The following AUTS2 variants were observed in gnomAD, a reference collection of about 807,000 sequenced individuals.
AUTS2 encodes the protein activator of transcription and developmental regulator AUTS2.
Under a neutral mutation model 112.4 loss-of-function variants are expected in AUTS2, and 17 were observed. The observed-to-expected ratio is 0.15, with a 90% confidence interval of 0.10 to 0.23. The LOEUF is 0.23. Among genes scored for constraint, AUTS2 ranks in the 10% least tolerant of loss-of-function variants. The pLI is 1.00. For synonymous variants in AUTS2, 751 were observed against 702.7 expected, an observed-to-expected ratio of 1.07 and a Z score of -1.09; for missense variants, 1,510 against 1,701.6, an observed-to-expected ratio of 0.89 and a Z score of 1.98.
At chr7:69,789,534 G>A (rs781633269) in intron 1 of AUTS2, among the ~76,000 whole-genome samples, 1 of 152,124 alleles carries the variant, frequency 6.6e-6, no homozygotes, top group African/African-American at 2.4e-5. Context: ...TTTCTGCTGG[G>A]ACCCAGGGCT....
At chr7:70,602,820 T>C (rs1445390157) in intron 5 of AUTS2, among the ~76,000 whole-genome samples, 3 of 152,224 alleles carry the variant, frequency 2.0e-5, no homozygotes, top group Admixed American at 6.5e-5. Context: ...ATAATGATTT[T>C]CTTTCGTCTG....
chr7:70,397,498 T>G (rs112763204), intron 4 of AUTS2, among the ~76,000 whole-genome samples: 188 of 152,328 alleles, frequency 1.2e-3, no homozygotes, highest in African/African-American at 4.2e-3. Context: ...GGGTAAACTT[T>G]CTATATAAAT....
intron 5 of AUTS2, among the ~76,000 whole-genome samples, chr7:70,561,330 C>A (rs190609856): frequency 6.6e-6 from 1 of 152,280 alleles, no homozygotes; most frequent in African/African-American, 2.4e-5. Context: ...CCAAAGTAGC[C>A]ATAGGGTAGC....
intron 2 of AUTS2, among the ~76,000 whole-genome samples, chr7:70,015,079 G>A (rs545020619): frequency 3.5e-4 from 53 of 152,240 alleles, no homozygotes; most frequent in African/African-American, 1.2e-3. Context: ...TTTGTAACCC[G>A]ACAACACTGT....
chr7:70,780,528 A>G, intron 14 of AUTS2, among the ~76,000 whole-genome samples: 1 of 151,832 alleles, frequency 6.6e-6, no homozygotes, highest in African/African-American at 2.4e-5. Flanking sequence ...GGCGTGCACC[A>G]CCACGCCTGG....
At chr7:69,848,688 C>T (rs1489949260) in intron 1 of AUTS2, among the ~76,000 whole-genome samples, 4 of 152,152 alleles carry the variant, frequency 2.6e-5, no homozygotes, top group African/African-American at 9.7e-5. Context: ...TTGTCTTCCA[C>T]GTCAAAGGAT....
chr7:70,518,367 T>G (rs994521123), intron 5 of AUTS2, among the ~76,000 whole-genome samples: 1 of 152,050 alleles, frequency 6.6e-6, no homozygotes, highest in Non-Finnish European at 1.5e-5. Context: ...GTGGGATGAA[T>G]GAAGAATGAA....
At chr7:70,051,861 G>T (rs1292331063) in intron 2 of AUTS2, among the ~76,000 whole-genome samples, 5 of 152,170 alleles carry the variant, frequency 3.3e-5, no homozygotes, top group African/African-American at 7.2e-5. Context: ...TTAGGAAAAA[G>T]AATTCAGATA....
chr7:70,740,677 A>G (rs1035862253), intron 6 of AUTS2, among the ~76,000 whole-genome samples: 1 of 152,030 alleles, frequency 6.6e-6, no homozygotes, highest in Non-Finnish European at 1.5e-5. Context: ...TATCGTACTT[A>G]TTTGAATATA....
At chr7:70,623,914 TC>T (rs1804806407) in intron 5 of AUTS2, among the ~76,000 whole-genome samples, 1 of 152,156 alleles carries the variant, frequency 6.6e-6, no homozygotes, top group Non-Finnish European at 1.5e-5. Flanking sequence ...GTTCTCCAGC[TC>T]TTCCCTGAAA....
At position 70,110,535 on chromosome 7, in the gene AUTS2, C is replaced by CAAAT. The variant is rs1326811940; in HGVS notation, c.523-7584_523-7581dup. Reference sequence around the variant, plus strand: ...CCATCTCAAAAAATAAATAAATAAACAAATAAATAAATAAATTATTAACTT... The same window carrying CAAAT: ...CCATCTCAAAAAATAAATAAATAAACAAATAAATAAATAAATAAATTATTAACTT... On this transcript the variant is annotated intron_variant, in intron 2 of 18. Transcript: ENST00000342771. Among the ~76,000 whole-genome samples, 29 of 152,192 alleles carry CAAAT rather than the reference C, an allele frequency of 1.9e-4. No individual in the cohort carries two copies. The South Asian group carries it at 5.8e-3, about 30-fold the overall frequency.
At chr7:69,777,462 A>C (rs1396334782) in intron 1 of AUTS2, among the ~76,000 whole-genome samples, 1 of 152,232 alleles carries the variant, frequency 6.6e-6, no homozygotes, top group Non-Finnish European at 1.5e-5. Flanking sequence ...GGAAGCAGCT[A>C]GAATTTCTTA....
intron 4 of AUTS2, among the ~76,000 whole-genome samples, chr7:70,435,144 T>A (rs1454582997): frequency 6.6e-6 from 1 of 152,212 alleles, no homozygotes; most frequent in Admixed American, 6.5e-5. Context: ...TTTGGCATAC[T>A]TTTTATAGGG....
chr7:70,110,460 G>A (rs1004659911), intron 2 of AUTS2, among the ~76,000 whole-genome samples: 1 of 152,186 alleles, frequency 6.6e-6, no homozygotes, highest in Non-Finnish European at 1.5e-5. Context: ...AGGTTGCAGT[G>A]AGCCGAGATC....
intron 5 of AUTS2, among the ~76,000 whole-genome samples, chr7:70,676,834 G>A (rs1240239621): frequency 6.6e-6 from 1 of 151,494 alleles, no homozygotes; most frequent in Non-Finnish European, 1.5e-5. Flanking sequence ...CTGAGATTAT[G>A]CCATTGCACT....
At chr7:70,709,537 C>A (rs1809931405) in intron 6 of AUTS2, among the ~76,000 whole-genome samples, 1 of 152,042 alleles carries the variant, frequency 6.6e-6, no homozygotes, top group African/African-American at 2.4e-5. Flanking sequence ...ATGGCGAAAC[C>A]CCATCTCTAC....
At chr7:70,691,966 C>A (rs1205133238) in intron 5 of AUTS2, among the ~76,000 whole-genome samples, 1 of 150,840 alleles carries the variant, frequency 6.6e-6, no homozygotes, top group African/African-American at 2.4e-5. Context: ...CTGCAACCTC[C>A]ACCTCCCAGG....
At chr7:69,705,355 A>G (rs1271064373) in intron 1 of AUTS2, among the ~76,000 whole-genome samples, 1 of 152,214 alleles carries the variant, frequency 6.6e-6, no homozygotes, top group African/African-American at 2.4e-5. Flanking sequence ...CCCAGATCTT[A>G]ATTTTTCTTC....
At chr7:70,117,105 T>TTTTG (rs1562710111) in intron 2 of AUTS2, among the ~76,000 whole-genome samples, 10 of 100,680 alleles carry the variant, frequency 9.9e-5, no homozygotes, top group East Asian at 2.7e-4. Flanking sequence ...ATGACTTTTG[T>TTTTG]TTTTTTTTTT....
Sources: allele counts gnomAD v4.1 joint callset (sites outside exome capture counted in the v4.1 genomes callset), GRCh38; gene constraint gnomAD v4.1.1; transcripts MANE v1.5; gene names NCBI Gene and HGNC (gene_info 2026-07-23, HGNC 2026-07-21).